The following GRID1 variants were observed in gnomAD, a reference collection of about 807,000 sequenced individuals.
GRID1 encodes glutamate receptor ionotropic, delta-1.
Under a neutral mutation model 98.0 loss-of-function variants are expected in GRID1, and 28 were observed. The ratio of observed to expected loss-of-function variants is 0.29; its 90% CI spans 0.21 to 0.39. The LOEUF is 0.39. GRID1 is among the 10% of genes least tolerant of loss of function. The pLI is 1.00. For synonymous variants in GRID1, 553 were observed against 538.5 expected (o/e 1.03, Z -0.37); for missense variants, 1,111 against 1,340.5 (o/e 0.83, Z 2.67).
chr10:86,354,802 C>T (rs886606733), intron 2 of GRID1, among the ~76,000 whole-genome samples: 15 of 152,286 alleles, frequency 9.8e-5, no homozygotes, highest in South Asian at 4.1e-4. Flanking sequence ...ATGGAAATAC[C>T]GTGCCGTGAC....
At chr10:86,154,458 G>A (rs887597495) in intron 3 of GRID1, among the ~76,000 whole-genome samples, 5 of 151,922 alleles carry the variant, frequency 3.3e-5, no homozygotes, top group African/African-American at 7.3e-5. Context: ...ACAGAATGTC[G>A]AGCCCCAAGG....
intron 2 of GRID1, among the ~76,000 whole-genome samples, chr10:86,326,077 G>A (rs893507641): frequency 6.6e-5 from 10 of 152,172 alleles, no homozygotes; most frequent in Admixed American, 2.0e-4. Flanking sequence ...AATAGCTTTC[G>A]TGTATGGGAG....
At chr10:86,232,844 C>A (rs1465319009) in intron 2 of GRID1, among the ~76,000 whole-genome samples, 7 of 152,082 alleles carry the variant, frequency 4.6e-5, no homozygotes, top group African/African-American at 1.7e-4. Context: ...ATGAATGGGA[C>A]CTGATTAGCT....
rs764369778 is a variant in GRID1 at position 86,206,352 on chromosome 10, C to T, written c.520+12G>A. ...CCCCAAGCAGCCCCAGCTCGCCTGC[C>T]GGACAACTCACCATACTCGCTGTCG... On this transcript the variant is annotated intron_variant, in intron 3 of 15. Transcript: ENST00000327946. The surrounding 1 kb of genome is among the most constrained non-coding windows in gnomAD (Gnocchi z 4.1). 8.9e-6 allele frequency: 14 copies of T among 1,580,378 alleles called. No individual in the cohort carries two copies. The African/African-American group carries it at 9.4e-5, about 11-fold the overall frequency.
At chr10:85,633,926 C>A (rs549892105) in intron 13 of GRID1, among the ~76,000 whole-genome samples, 2 of 152,162 alleles carry the variant, frequency 1.3e-5, no homozygotes, top group South Asian at 4.1e-4. Flanking sequence ...AATCCCAGCA[C>A]TTTGGGAGGC....
At position 86,206,286 on chromosome 10, in the gene GRID1, C is replaced by A. The variant is rs1036737288; in HGVS notation, c.520+78G>T. 7.0e-7 allele frequency: 1 copy of A among 1,427,572 alleles called. No individual in the cohort carries two copies. Among genetic ancestry groups the A allele is most frequent in the East Asian group, 2.3e-5 (1 of 43,218 alleles). 88.4% of individuals were successfully genotyped at this position (1,427,572 alleles called of 1,614,324 possible). On this transcript the variant is annotated intron_variant, in intron 3 of 15. Transcript: ENST00000327946. The surrounding 1 kb of genome is among the most constrained non-coding windows in gnomAD (Gnocchi z 4.1). The stretch of plus-strand genomic sequence containing the variant: ...AGACCACCCCTGACCGGTCCAGGGC[C>A]CCACCCACTCTCAGGTCTCCCAGCA...
intron 2 of GRID1, among the ~76,000 whole-genome samples, chr10:86,362,888 C>T (rs191495369): frequency 1.4e-4 from 21 of 152,390 alleles, no homozygotes; most frequent in African/African-American, 4.8e-4. Flanking sequence ...ACACCCACTG[C>T]CCCCTCTACA....
chr10:86,277,231 A>T (rs540216214), intron 2 of GRID1, among the ~76,000 whole-genome samples: 3 of 152,332 alleles, frequency 2.0e-5, no homozygotes, highest in African/African-American at 7.2e-5. Context: ...GGTTATATAA[A>T]TTTTACCACA....
intron 8 of GRID1, among the ~76,000 whole-genome samples, chr10:85,788,287 G>A (rs1402867938): frequency 2.0e-5 from 3 of 152,132 alleles, no homozygotes; most frequent in African/African-American, 7.2e-5. Context: ...GGCGCAGTGA[G>A]CCTGGCCAGA....
At chr10:86,213,986 C>T (rs1247108289) in intron 2 of GRID1, among the ~76,000 whole-genome samples, 1 of 152,178 alleles carries the variant, frequency 6.6e-6, no homozygotes, top group Non-Finnish European at 1.5e-5. Context: ...CGACTTTCCT[C>T]CACTCCACTG....
chr10:85,642,962 G>T (rs1257801922), intron 13 of GRID1, among the ~76,000 whole-genome samples: 1 of 152,136 alleles, frequency 6.6e-6, no homozygotes, highest in Non-Finnish European at 1.5e-5. Context: ...GTGGATCTCA[G>T]AGGCGAGCCA....
intron 12 of GRID1, among the ~76,000 whole-genome samples, chr10:85,704,796 G>C (rs538326801): frequency 6.6e-6 from 1 of 152,284 alleles, no homozygotes; most frequent in South Asian, 2.1e-4. Context: ...AATCAAACTA[G>C]AACTCAGGAT....
chr10:85,991,891 A>G (rs1047178384), intron 4 of GRID1, among the ~76,000 whole-genome samples: 3 of 152,210 alleles, frequency 2.0e-5, no homozygotes, highest in East Asian at 3.8e-4. Context: ...CTTAGATTAA[A>G]TGTTCTAAAA....
intron 12 of GRID1, among the ~76,000 whole-genome samples, chr10:85,706,018 A>G (rs1399960572): frequency 7.2e-5 from 11 of 152,214 alleles, no homozygotes; most frequent in African/African-American, 2.7e-4. Flanking sequence ...CTGAATGGGC[A>G]AAAACTGGAA....
chr10:86,121,833 C>T (rs1032725351), intron 4 of GRID1, among the ~76,000 whole-genome samples: 7 of 152,190 alleles, frequency 4.6e-5, no homozygotes, highest in Non-Finnish European at 8.8e-5. Flanking sequence ...TTGCCCACAG[C>T]CACCAGCCAT....
In GRID1 at chr10:85,849,474, A is replaced by G. The variant is rs531378963; in HGVS notation, c.1233+5022T>C. Among the ~76,000 whole-genome samples the G allele has an allele frequency of 3.3e-5, 5 of 152,318 alleles. No homozygotes were observed. The South Asian group carries it at 1.0e-3, about 32-fold the overall frequency. ...TCCATTTCCCTGGGAAATCGCTGGA[A>G]CAGGGAGGCTGAGCCAAGGGCAGTG... On this transcript the variant is annotated intron_variant, in intron 8 of 15. Coordinates refer to ENST00000327946, the MANE Select transcript of GRID1 (RefSeq NM_017551.3).
chr10:85,998,819 A>T (rs1842769942), intron 4 of GRID1, among the ~76,000 whole-genome samples: 1 of 152,254 alleles, frequency 6.6e-6, no homozygotes, highest in South Asian at 2.1e-4. Context: ...ACATCACAAC[A>T]GACTCCACAG....
intron 2 of GRID1, among the ~76,000 whole-genome samples, chr10:86,239,584 G>A (rs995984267): frequency 7.9e-5 from 12 of 152,202 alleles, no homozygotes; most frequent in Non-Finnish European, 1.5e-4. Flanking sequence ...GAGGGGCCTG[G>A]TGGGAGGTGA....
chr10:86,194,716 G>T (rs1190595980), intron 3 of GRID1, among the ~76,000 whole-genome samples: 1 of 152,000 alleles, frequency 6.6e-6, no homozygotes, highest in Non-Finnish European at 1.5e-5. Context: ...ACTCCCCTTA[G>T]AACACAAGGC....
Sources: gnomAD v4.1 joint callset for allele counts (sites outside exome capture counted in the v4.1 genomes callset) on GRCh38, gnomAD v4.1.1 for gene constraint, Gnocchi (gnomAD v3.1) non-coding constraint, MANE v1.5 for transcripts, NCBI Gene and HGNC (gene_info 2026-07-23, HGNC 2026-07-21) for gene names.